LIN9: variants seen among roughly 807,000 people sequenced by gnomAD.
LIN9 encodes protein lin-9 homolog.
LIN9 carries 18 observed loss-of-function variants against 78.0 expected under a neutral mutation model. The ratio of observed to expected loss-of-function variants is 0.23; its 90% confidence interval spans 0.16 to 0.34. The LOEUF (loss-of-function observed/expected upper bound fraction) is 0.34. Ranked by LOEUF, LIN9 falls within the 10% of genes least tolerant of loss-of-function variation. LIN9 has a pLI of 1.00. For missense variants in LIN9, 451 were observed against 644.1 expected, an observed-to-expected ratio of 0.70 and a Z score of 3.25; for synonymous variants, 192 against 215.2, an observed-to-expected ratio of 0.89 and a Z score of 0.94.
At chr1:226,287,926 T>A (rs1412131016) in intron 4 of LIN9, 129 bp from the exon 5 acceptor site, 1 of 633,254 alleles carries the variant, frequency 1.6e-6, no homozygotes, top group Non-Finnish European at 2.7e-6. Context: ...TTCACTGATA[T>A]TCAACATGGA....
chr1:226,271,592 T>C (rs1438761642), intron 7 of LIN9, among the ~76,000 whole-genome samples: 5 of 152,210 alleles, frequency 3.3e-5, no homozygotes, highest in Admixed American at 6.5e-5. Flanking sequence ...ATTATTTAGA[T>C]CAAGATGACT....
chr1:226,249,259 T>A (rs1658677281), intron 11 of LIN9, among the ~76,000 whole-genome samples: 1 of 152,158 alleles, frequency 6.6e-6, no homozygotes, highest in African/African-American at 2.4e-5. Context: ...AACCAAGAAT[T>A]AGAGTCCAGT....
In LIN9 at chr1:226,265,627, T is replaced by A; in HGVS notation, c.944A>T (p.Asp315Val). ...CCACGGCGACTGTCCTAATAAAGGA[T>A]CATTATCCTATGGGAATAAAAAGGA... ...PPLQSPIIDN[D>V]PLLGQSPWRS... Residue 315 changes from aspartate to valine, a missense_variant, in exon 10 of 15, where the codon GAT (aspartate) becomes GTT (valine). Transcript: ENST00000681046. The surrounding 1 kb of genome is among the most constrained non-coding windows in gnomAD (Gnocchi z 4.1). 2 of 1,560,000 alleles carry A rather than the reference T, an allele frequency of 1.3e-6. No homozygotes were observed. The highest frequency in any genetic ancestry group is 1.8e-6 in the Non-Finnish European group (2 of 1,131,994).
At chr1:226,290,495 C>G (rs1241708949) in intron 4 of LIN9, among the ~76,000 whole-genome samples, 1 of 151,956 alleles carries the variant, frequency 6.6e-6, no homozygotes, top group Non-Finnish European at 1.5e-5. Context: ...CGCCCGCCAC[C>G]ACGCCCGGCT....
Position 226,257,132 on chromosome 1 carries a change from TAG to T in LIN9, c.1039-6215_1039-6214del, listed in dbSNP as rs967571157. Among the ~76,000 whole-genome samples, 57 of 152,012 alleles carry T rather than the reference TAG, an allele frequency of 3.7e-4. 1 individual carries two copies. Among genetic ancestry groups the T allele is most frequent in the Admixed American group, 3.0e-3 (45 of 15,254 alleles). ...GCCCGGCTAATTTTTGTATTTTTAG[TAG>T]AGACGGGGTTTCACCATGTTGGCCA... On this transcript the variant is annotated intron_variant, in intron 10 of 14. Coordinates refer to ENST00000681046, the MANE Select transcript of LIN9 (RefSeq NM_001366245.2).
At chr1:226,272,348 G>A (rs1576320714) in intron 7 of LIN9, among the ~76,000 whole-genome samples, 1 of 150,152 alleles carries the variant, frequency 6.7e-6, no homozygotes, top group East Asian at 2.0e-4. Context: ...GAGCCACCAT[G>A]CCCAGCCAAT....
At chr1:226,281,535 C>T (rs1458361446) in intron 6 of LIN9, among the ~76,000 whole-genome samples, 1 of 151,870 alleles carries the variant, frequency 6.6e-6, no homozygotes, top group South Asian at 2.1e-4. Context: ...TAATGGATAT[C>T]CCAATTACCC....
intron 1 of LIN9, among the ~76,000 whole-genome samples, chr1:226,306,004 T>C (rs1000201485): frequency 6.6e-6 from 1 of 152,148 alleles, no homozygotes; most frequent in East Asian, 1.9e-4. Flanking sequence ...ACAGACTTAG[T>C]AAAGGCTTAA....
At position 226,297,761 on chromosome 1, in the gene LIN9, T is replaced by G. The variant is rs1453708443; in HGVS notation, c.117A>C (p.Thr39=). ...WNEKYSSLQK[T]PVWKGRNTSS... is the part of the protein sequence containing the mutation. ...TTGTATTCCTGCCTTTCCAAACAGG[T>G]GTTTTCTGTAAAGAACTGTACTTTT... The change falls in exon 3 of 15, where the codon ACA becomes ACC. Residue 39 remains threonine (T), a synonymous_variant. Coordinates refer to ENST00000681046, the MANE Select transcript of LIN9 (RefSeq NM_001366245.2). 6.3e-6 allele frequency: 10 copies of G among 1,596,316 alleles called. No homozygotes were observed. Among genetic ancestry groups the G allele is most frequent in the Non-Finnish European group, 6.8e-6 (8 of 1,173,116 alleles).
intron 1 of LIN9, among the ~76,000 whole-genome samples, chr1:226,305,167 C>G (rs757969330): frequency 6.6e-6 from 1 of 151,140 alleles, no homozygotes; most frequent in Non-Finnish European, 1.5e-5. Flanking sequence ...AAGACTCCAT[C>G]TTTAAAAAAA....
chr1:226,258,164 C>A (rs1458258102), intron 10 of LIN9, among the ~76,000 whole-genome samples: 2 of 145,024 alleles, frequency 1.4e-5, no homozygotes, highest in Non-Finnish European at 3.0e-5. Flanking sequence ...CAGAGGGAGA[C>A]CCTGTTCTCA....
chr1:226,294,256 C>G (rs2102650777), intron 4 of LIN9, among the ~76,000 whole-genome samples: 1 of 139,124 alleles, frequency 7.2e-6, no homozygotes, highest in Middle Eastern at 4.2e-3. Flanking sequence ...TGCAGTGAGC[C>G]AAGATCGTGC....
At chr1:226,242,098 G>A (rs1032681505) in intron 11 of LIN9, among the ~76,000 whole-genome samples, 6 of 152,126 alleles carry the variant, frequency 3.9e-5, no homozygotes, top group African/African-American at 1.4e-4. Context: ...GGTTAATATA[G>A]AAGAATAAAT....
At chr1:226,293,899 A>G (rs972599289) in intron 4 of LIN9, among the ~76,000 whole-genome samples, 5 of 152,168 alleles carry the variant, frequency 3.3e-5, no homozygotes, top group Non-Finnish European at 1.5e-5. Flanking sequence ...TTCAAGATAC[A>G]TTTTTGTTCA....
intron 3 of LIN9, among the ~76,000 whole-genome samples, chr1:226,297,038 T>C (rs992799054): frequency 6.6e-6 from 1 of 152,072 alleles, no homozygotes; most frequent in Admixed American, 6.6e-5. Context: ...AGAGTCTTGA[T>C]ACTCTATAGC....
At chr1:226,234,587 T>A (rs1317025199) in intron 12 of LIN9, among the ~76,000 whole-genome samples, 1 of 152,182 alleles carries the variant, frequency 6.6e-6, no homozygotes, top group East Asian at 1.9e-4. Context: ...CGGGCTCATC[T>A]TCTTTCTCTG....
chr1:226,262,791 C>A (rs1418849123), intron 10 of LIN9, among the ~76,000 whole-genome samples: 1 of 152,178 alleles, frequency 6.6e-6, no homozygotes, highest in African/African-American at 2.4e-5. Context: ...TTGGTATTTA[C>A]CCAAAGGAGC....
At chr1:226,302,368 C>A in intron 1 of LIN9, among the ~76,000 whole-genome samples, 1 of 151,994 alleles carries the variant, frequency 6.6e-6, no homozygotes, top group African/African-American at 2.4e-5. Context: ...ACGGTGAAAA[C>A]CCGTCTCTAC....
chr1:226,282,172 G>A (rs1661107089), intron 6 of LIN9, among the ~76,000 whole-genome samples: 1 of 151,946 alleles, frequency 6.6e-6, no homozygotes, highest in African/African-American at 2.4e-5. Flanking sequence ...TTCTGTTTTT[G>A]TTTTATGTTA....
Sources: gnomAD v4.1 joint callset for allele counts (sites outside exome capture counted in the v4.1 genomes callset) on GRCh38, gnomAD v4.1.1 for gene constraint, Gnocchi (gnomAD v3.1) non-coding constraint, MANE v1.5 for transcripts, NCBI Gene and HGNC (gene_info 2026-07-23, HGNC 2026-07-21) for gene names.